The following PTPRT variants were observed in gnomAD, a reference collection of about 807,000 sequenced individuals.
PTPRT encodes receptor-type tyrosine-protein phosphatase T.
PTPRT carries 56 observed loss-of-function variants against 176.8 expected under a neutral mutation model. The observed-to-expected ratio is 0.32, with a 90% CI of 0.26 to 0.40. The LOEUF is 0.40. PTPRT is among the 10% of genes least tolerant of loss of function. The pLI is 1.00. For synonymous variants in PTPRT, 783 were observed against 739.0 expected (o/e 1.06, Z -0.96); for missense variants, 1,540 against 1,908.2 (o/e 0.81, Z 3.60).
chr20:42,126,335 C>T (rs1987857583), intron 19 of PTPRT, among the ~76,000 whole-genome samples: 1 of 152,112 alleles, frequency 6.6e-6, no homozygotes, highest in Non-Finnish European at 1.5e-5. Flanking sequence ...GAGAGGTACT[C>T]TTGACTCAAA....
the PTPRT span, among the ~76,000 whole-genome samples, chr20:42,047,340 A>AC: frequency 1.3e-5 from 2 of 152,072 alleles, no homozygotes; most frequent in Admixed American, 6.5e-5. Flanking sequence ...GACCTATACT[A>AC]CCCCTGGGGG....
At chr20:42,045,240 T>C in the PTPRT span, among the ~76,000 whole-genome samples, 3 of 151,946 alleles carry the variant, frequency 2.0e-5, no homozygotes, top group Non-Finnish European at 4.4e-5. Flanking sequence ...CCAGAGAGAG[T>C]ACTGTTAATA....
intron 1 of PTPRT, among the ~76,000 whole-genome samples, chr20:42,976,527 TC>T (rs1568712709): frequency 6.6e-6 from 1 of 151,972 alleles, no homozygotes; most frequent in African/African-American, 2.4e-5. Context: ...CACCTCAGCC[TC>T]CCAAGTAGCT....
At chr20:42,812,106 C>T (rs2077706210) in intron 2 of PTPRT, among the ~76,000 whole-genome samples, 1 of 151,418 alleles carries the variant, frequency 6.6e-6, no homozygotes, top group South Asian at 2.1e-4. Context: ...ATTCTTGTGT[C>T]TAGAATACTG....
In PTPRT at chr20:43,063,427, C is replaced by G. The variant is rs2146256999; in HGVS notation, c.88+126219G>C. The G allele has an allele frequency of 1.3e-5, 2 of 152,814 alleles. 1 individual carries two copies. Among genetic ancestry groups the G allele is most frequent in the Admixed American group, 1.3e-4 (2 of 15,304 alleles). 9.5% of individuals were successfully genotyped at this position (152,814 alleles called of 1,614,324 possible). A position where few individuals can be genotyped will look rare whatever the true frequency, so the allele number is the denominator to read the frequency against. On this transcript the variant is annotated intron_variant, in intron 1 of 30. Transcript: ENST00000373187. Reference sequence around the variant, plus strand: ...AGGTGGGTGTCCCCTTCCTCCATCACCACTCCATGTGATGTGCGTCCCTCC... The same window carrying G: ...AGGTGGGTGTCCCCTTCCTCCATCAGCACTCCATGTGATGTGCGTCCCTCC...
chr20:42,040,386 A>G, the PTPRT span, among the ~76,000 whole-genome samples: 1 of 152,044 alleles, frequency 6.6e-6, no homozygotes, highest in African/African-American at 2.4e-5. Flanking sequence ...GTTTAACTGG[A>G]CTTGTTTAAA....
intron 15 of PTPRT, among the ~76,000 whole-genome samples, chr20:42,215,387 GA>G (rs2055744546): frequency 6.6e-6 from 1 of 152,188 alleles, no homozygotes; most frequent in African/African-American, 2.4e-5. Flanking sequence ...GTGATGATGA[GA>G]AATGATAAAT....
chr20:43,130,867 T>A (rs935844233), intron 1 of PTPRT, among the ~76,000 whole-genome samples: 1 of 150,206 alleles, frequency 6.7e-6, no homozygotes, highest in Admixed American at 6.6e-5. Context: ...AATATCTTTT[T>A]AAAAAATCAA....
intron 9 of PTPRT, among the ~76,000 whole-genome samples, chr20:42,368,350 T>C (rs2058542887): frequency 6.6e-6 from 1 of 151,864 alleles, no homozygotes; most frequent in African/African-American, 2.4e-5. Flanking sequence ...ACATCAAAGG[T>C]TATTGTAAGC....
chr20:42,690,797 A>C (rs1212841314), intron 6 of PTPRT, among the ~76,000 whole-genome samples: 3 of 152,224 alleles, frequency 2.0e-5, no homozygotes, highest in African/African-American at 7.2e-5. Flanking sequence ...GTGTGACATT[A>C]AGCAAGTGAT....
At chr20:42,551,171 G>A (rs768271979) in intron 7 of PTPRT, among the ~76,000 whole-genome samples, 5 of 151,936 alleles carry the variant, frequency 3.3e-5, no homozygotes, top group Middle Eastern at 3.2e-3. Flanking sequence ...TTATATAAGG[G>A]GTATGTTTTA....
chr20:42,568,110 A>C (rs113772965), intron 7 of PTPRT, among the ~76,000 whole-genome samples: 2,394 of 151,920 alleles, frequency 0.016, 74 homozygotes, highest in African/African-American at 0.056. Context: ...CTGGGATTAC[A>C]TGCACCCACC....
chr20:42,277,413 C>T (rs139494707), intron 13 of PTPRT, among the ~76,000 whole-genome samples: 99 of 152,296 alleles, frequency 6.5e-4, no homozygotes, highest in Non-Finnish European at 1.0e-3. Flanking sequence ...TGACGGCTGG[C>T]GCTGGAGACA....
At chr20:42,701,515 C>T (rs894033088) in intron 6 of PTPRT, among the ~76,000 whole-genome samples, 19 of 152,142 alleles carry the variant, frequency 1.2e-4, no homozygotes, top group Non-Finnish European at 1.6e-4. Context: ...CCTCACAGAG[C>T]TCAGAAAAGA....
intron 9 of PTPRT, among the ~76,000 whole-genome samples, chr20:42,412,745 G>A (rs185678830): frequency 4.6e-5 from 7 of 152,236 alleles, no homozygotes; most frequent in Admixed American, 1.3e-4. Flanking sequence ...ATGCAGTAGC[G>A]TGGCTAAACC....
chr20:42,708,287 C>G (rs944655177), intron 6 of PTPRT, among the ~76,000 whole-genome samples: 3 of 152,026 alleles, frequency 2.0e-5, no homozygotes, highest in Non-Finnish European at 4.4e-5. Flanking sequence ...TTATAAAATT[C>G]AAGATTTTTC....
chr20:42,141,386 A>G (rs1450312087), intron 18 of PTPRT, among the ~76,000 whole-genome samples: 2 of 152,186 alleles, frequency 1.3e-5, no homozygotes, highest in Non-Finnish European at 2.9e-5. Context: ...ACTTCCAAGC[A>G]TCAGCCAGTG....
intron 16 of PTPRT, among the ~76,000 whole-genome samples, chr20:42,167,126 T>C (rs140691658): frequency 6.6e-6 from 1 of 152,308 alleles, no homozygotes; most frequent in African/African-American, 2.4e-5. Context: ...AGATAGTGCA[T>C]GCTGAGTGCT....
At chr20:42,110,584 C>A (rs975187315) in intron 22 of PTPRT, 97 bp from the exon 23 acceptor site, 3 of 1,338,350 alleles carry the variant, frequency 2.2e-6, no homozygotes, top group East Asian at 2.4e-5. Flanking sequence ...AGGAACCTCC[C>A]GCAGGGACAG....
Sources: gnomAD v4.1 joint callset for allele counts (sites outside exome capture counted in the v4.1 genomes callset) on GRCh38, gnomAD v4.1.1 for gene constraint, MANE v1.5 for transcripts, NCBI Gene and HGNC (gene_info 2026-07-23, HGNC 2026-07-21) for gene names.